FAM163B: variants seen among roughly 807,000 people sequenced by gnomAD.
The protein encoded by FAM163B is protein FAM163B.
A neutral mutation model predicts 7.6 loss-of-function variants in FAM163B; 4 were observed. The ratio of observed to expected loss-of-function variants is 0.52; its 90% CI spans 0.26 to 1.20. FAM163B has a LOEUF of 1.20. Ranked by LOEUF, FAM163B falls within the 50% of genes most tolerant of loss-of-function variation. The probability of loss-of-function intolerance (pLI) is 0.14; values close to 1 mark genes in which losing one functional copy is unlikely to be tolerated. For synonymous variants in FAM163B, 120 were observed against 111.6 expected (o/e 1.07, Z -0.47); for missense variants, 250 against 243.0 (o/e 1.03, Z -0.19).
intron 1 of FAM163B, among the ~76,000 whole-genome samples, chr9:133,588,631 GAGGGATC>G (rs1831483764): frequency 6.6e-6 from 1 of 152,014 alleles, no homozygotes; most frequent in Non-Finnish European, 1.5e-5. Context: ...CTAGCATGTT[GAGGGATC>G]TAGCAGGTTG....
Position 133,602,176 on chromosome 9 carries a change from C to G in FAM163B, c.-24+6901G>C, listed in dbSNP as rs945686331. 7.9e-5 allele frequency among the ~76,000 whole-genome samples: 12 copies of G among 150,950 alleles called. No individual in the cohort carries two copies. In the East Asian group the frequency reaches 1.4e-3, roughly 17 times the overall value. On this transcript the variant is annotated intron_variant, in intron 1 of 2. Transcript: ENST00000673969. Reference sequence around the variant, plus strand: ...ATGCCCAAGACCCGCCATATAACAACAAGTTCCATCTGCCACACTTCTACC... The same window carrying G: ...ATGCCCAAGACCCGCCATATAACAAGAAGTTCCATCTGCCACACTTCTACC...
intron 1 of FAM163B, among the ~76,000 whole-genome samples, chr9:133,588,882 G>A (rs1831493554): frequency 6.6e-6 from 1 of 151,798 alleles, no homozygotes; most frequent in South Asian, 2.1e-4. Context: ...AAAGGACTGG[G>A]TTTCTGGATG....
Position 133,590,171 on chromosome 9 carries a change from CCCTTCTTTCCTTTCCTTT to C in FAM163B, c.-23-9943_-23-9926del, listed in dbSNP as rs1489115312. Among the ~76,000 whole-genome samples the C allele has an allele frequency of 6.6e-3, 818 of 123,058 alleles. 21 individuals are homozygous for C. The highest frequency in any genetic ancestry group is 0.023 in the African/African-American group (762 of 32,682). 80.7% of individuals were successfully genotyped at this position (123,058 alleles called of 152,430 possible). A position where few individuals can be genotyped will look rare whatever the true frequency, so the allele number is the denominator to read the frequency against. ...CTCCCCTTCCCCTCCCCTTCCCCTC[CCCTTCTTTCCTTTCCTTT>C]CCTTCTTTCCTTTCCTTTCCTTCCC... On this transcript the variant is annotated intron_variant, in intron 1 of 2. Transcript: ENST00000673969.
At position 133,579,449 on chromosome 9, in the gene FAM163B, G is replaced by A. The variant is rs1335925221; in HGVS notation, c.94-20C>T. 9.6e-6 allele frequency: 15 copies of A among 1,564,436 alleles called. No individual in the cohort carries two copies. In the South Asian group the frequency reaches 1.4e-4, roughly 15 times the overall value. On this transcript the variant is annotated intron_variant, in intron 2 of 2. Coordinates refer to ENST00000673969, the MANE Select transcript of FAM163B (RefSeq NM_001080515.3). The stretch of plus-strand genomic sequence containing the variant: ...GTAGTACTGCGGGCAGAGGGACGGT[G>A]ACCATGCGGCCGCCCGCTCCCACCC...
chr9:133,580,167 G>A lies in FAM163B; in HGVS notation c.57C>T (p.Leu19=). ...TGGILATVIL[L]CIIAVLCYCR... ...AGTAGCACAGAACAGCGATGATGCAGAGCAAAATCACAGTCGCCAAGATGC... is the reference window on the plus strand; with the variant it reads ...AGTAGCACAGAACAGCGATGATGCAAAGCAAAATCACAGTCGCCAAGATGC... The change falls in exon 2 of 3, where the codon CTC becomes CTT. Residue 19 remains leucine (L), a synonymous_variant. Coordinates refer to ENST00000673969, the MANE Select transcript of FAM163B (RefSeq NM_001080515.3). 6.2e-7 allele frequency: 1 copy of A among 1,613,246 alleles called. No individual in the cohort carries two copies. The highest frequency in any genetic ancestry group is 1.1e-5 in the South Asian group (1 of 91,084).
chr9:133,604,490 G>GCCAA (rs1427725584), intron 1 of FAM163B, among the ~76,000 whole-genome samples: 3 of 152,112 alleles, frequency 2.0e-5, no homozygotes, highest in Admixed American at 1.3e-4. Context: ...TAAAAAACCA[G>GCCAA]CCAACCAACC....
rs370763193 is a variant in FAM163B at position 133,600,218 on chromosome 9, T to TG, written c.-24+8858dup. Among the ~76,000 whole-genome samples the TG allele has an allele frequency of 1.3e-5, 2 of 148,324 alleles. No homozygotes were observed. Among genetic ancestry groups the TG allele is most frequent in the African/African-American group, 2.5e-5 (1 of 40,076 alleles). ...TGTGGTCTGTGTGAGTGTGTGTGTG[T>TG]GGGGGGGAATGTGGTCTGTGTGCAT... On this transcript the variant is annotated intron_variant, in intron 1 of 2. Transcript: ENST00000673969. The surrounding 1 kb of genome is among the most constrained non-coding windows in gnomAD (Gnocchi z 4.9).
Position 133,601,315 on chromosome 9 carries a change from A to G in FAM163B, c.-24+7762T>C, listed in dbSNP as rs1160171332. Reference sequence around the variant, plus strand: ...CAGTCTTTGACCAAGGCTTCAGCAAAGACCCTGCCTGGAGCAATTTTTTAA... The same window carrying G: ...CAGTCTTTGACCAAGGCTTCAGCAAGGACCCTGCCTGGAGCAATTTTTTAA... On this transcript the variant is annotated intron_variant, in intron 1 of 2. Coordinates refer to ENST00000673969, the MANE Select transcript of FAM163B (RefSeq NM_001080515.3). This position sits in a 1 kb window ranked among gnomAD's most constrained non-coding sequence, Gnocchi z 4.1. Among the ~76,000 whole-genome samples, 1 of 152,230 alleles carries G rather than the reference A, an allele frequency of 6.6e-6. No homozygotes were observed. Among genetic ancestry groups the G allele is most frequent in the Non-Finnish European group, 1.5e-5 (1 of 68,036 alleles).
At chr9:133,582,101 T>A (rs1831364783) in intron 1 of FAM163B, among the ~76,000 whole-genome samples, 1 of 152,186 alleles carries the variant, frequency 6.6e-6, no homozygotes, top group African/African-American at 2.4e-5. Flanking sequence ...CCTCCCTTTA[T>A]CAGGGATCAG....
At chr9:133,599,855 ATG>A (rs1831689925) in intron 1 of FAM163B, among the ~76,000 whole-genome samples, 1 of 144,810 alleles carries the variant, frequency 6.9e-6, no homozygotes, top group East Asian at 2.1e-4. Context: ...GTGTGTGTGC[ATG>A]TGTGTGCTAG....
chr9:133,598,753 G>C (rs1216032881), intron 1 of FAM163B, among the ~76,000 whole-genome samples: 3 of 152,192 alleles, frequency 2.0e-5, no homozygotes, highest in Non-Finnish European at 4.4e-5. Flanking sequence ...CAGCCTGAGA[G>C]TTAGAGACAG....
chr9:133,580,246 C>T lies in FAM163B; in HGVS notation c.-23G>A, dbSNP rs1052384004. 250 of 1,602,382 alleles carry T rather than the reference C, an allele frequency of 1.6e-4. 1 individual carries two copies. The African/African-American group carries it at 3.2e-3, about 20-fold the overall frequency. On this transcript the variant is annotated splice_region_variant and 5_prime_UTR_variant, in exon 2 of 3. Transcript: ENST00000673969. The stretch of plus-strand genomic sequence containing the variant: ...CATCCGCCCCCTTCTCCATCAACAG[C>T]CTGCAACACACGCCGCCAGCTTTAG...
chr9:133,583,337 G>C (rs2131220489), intron 1 of FAM163B, among the ~76,000 whole-genome samples: 1 of 152,294 alleles, frequency 6.6e-6, no homozygotes. Context: ...AGGTGGCCAT[G>C]GCTGGGCTGA....
At position 133,607,780 on chromosome 9, in the gene FAM163B, C is replaced by A. The variant is rs528736052; in HGVS notation, c.-24+1297G>T. Among the ~76,000 whole-genome samples, 4 of 152,294 alleles carry A rather than the reference C, an allele frequency of 2.6e-5. No homozygotes were observed. The East Asian group carries it at 7.7e-4, about 29-fold the overall frequency. On this transcript the variant is annotated intron_variant, in intron 1 of 2. Coordinates refer to ENST00000673969, the MANE Select transcript of FAM163B (RefSeq NM_001080515.3). ...GCCAGCAAGTGCAAGACCGAATGAA[C>A]AAAACCCCACATTTCCTGGGCCCCC...
In FAM163B at chr9:133,577,656, G is replaced by A. The variant is rs1588318077; in HGVS notation, c.*1366C>T. On this transcript the variant is annotated 3_prime_UTR_variant, in exon 3 of 3. Coordinates refer to ENST00000673969, the MANE Select transcript of FAM163B (RefSeq NM_001080515.3). ...GCCCCGGCCCTGGGGCTCCATGGCA[G>A]GGCACAAAAGGAGAGGCAGAGCCCC... 2.0e-5 allele frequency among the ~76,000 whole-genome samples: 3 copies of A among 152,218 alleles called. No individual in the cohort carries two copies. The highest frequency in any genetic ancestry group is 3.9e-4 in the East Asian group (2 of 5,184).
rs2131260978 is a variant in FAM163B, at chr9:133,601,163, G to T, written c.-24+7914C>A. On this transcript the variant is annotated intron_variant, in intron 1 of 2. Coordinates refer to ENST00000673969, the MANE Select transcript of FAM163B (RefSeq NM_001080515.3). This position sits in a 1 kb window ranked among gnomAD's most constrained non-coding sequence, Gnocchi z 4.1. ...CCTGAACACCCACTGCCCCATACTA[G>T]GCACAGGGGTTACAAAGATCCACTG... 6.6e-6 allele frequency among the ~76,000 whole-genome samples: 1 copy of T among 152,230 alleles called. No homozygotes were observed.
chr9:133,588,646 T>C (rs957922289), intron 1 of FAM163B, among the ~76,000 whole-genome samples: 2,198 of 51,776 alleles, frequency 0.042, 5 homozygotes, highest in African/African-American at 0.05. Flanking sequence ...ATCTAGCAGG[T>C]TGAAGGATCT....
In FAM163B at chr9:133,579,006, C is replaced by CG. The variant is rs1442601264; in HGVS notation, c.*15dup. On this transcript the variant is annotated 3_prime_UTR_variant, in exon 3 of 3. Coordinates refer to ENST00000673969, the MANE Select transcript of FAM163B (RefSeq NM_001080515.3). ...CTCAGGACCTTCAAGGCCAGGATCC[C>CG]GGGGGCGGGCCCAGGTCACACGTCG... 2.7e-6 allele frequency: 4 copies of CG among 1,486,406 alleles called. No individual in the cohort carries two copies. Among genetic ancestry groups the CG allele is most frequent in the Non-Finnish European group, 2.7e-6 (3 of 1,118,260 alleles). The allele number at this position is 1,486,406 out of a possible 1,614,324, so 92.1% of individuals were successfully genotyped here. A position where few individuals can be genotyped will look rare whatever the true frequency, so the allele number is the denominator to read the frequency against.
Position 133,600,427 on chromosome 9 carries a change from C to T in FAM163B, c.-24+8650G>A, listed in dbSNP as rs1831706245. Among the ~76,000 whole-genome samples the T allele has an allele frequency of 6.6e-6, 1 of 152,152 alleles. No homozygotes were observed. Among genetic ancestry groups the T allele is most frequent in the Non-Finnish European group, 1.5e-5 (1 of 68,002 alleles). ...GCGTGTGCCACAGTACCCCTGTTTC[C>T]CTGTGGTGCCACCCACTCTCAGTTT... is the stretch of plus-strand genomic sequence containing the variant. On this transcript the variant is annotated intron_variant, in intron 1 of 2. Coordinates refer to ENST00000673969, the MANE Select transcript of FAM163B (RefSeq NM_001080515.3). This position sits in a 1 kb window ranked among gnomAD's most constrained non-coding sequence, Gnocchi z 4.9.
Sources: allele counts gnomAD v4.1 joint callset (sites outside exome capture counted in the v4.1 genomes callset), GRCh38; gene constraint gnomAD v4.1.1; non-coding constraint Gnocchi (gnomAD v3.1); transcripts MANE v1.5; gene names NCBI Gene and HGNC (gene_info 2026-07-23, HGNC 2026-07-21).